Variants in RASEF observed in about 807,000 individuals in gnomAD.
The protein encoded by RASEF is ras and EF-hand domain-containing protein.
Under a neutral mutation model 90.1 loss-of-function variants are expected in RASEF, and 68 were observed. The ratio of observed to expected loss-of-function variants is 0.75; its 90% CI spans 0.62 to 0.92. RASEF has a LOEUF of 0.92. Ranked by LOEUF, RASEF falls within the 40% of genes least tolerant of loss-of-function variation. The pLI, the probability that RASEF is intolerant of heterozygous loss-of-function variation, is 0.00. For missense variants in RASEF, 949 were observed against 937.2 expected (o/e 1.01, Z -0.16); for synonymous variants, 331 against 345.2 (o/e 0.96, Z 0.46).
At chr9:83,116,652 T>C in the RASEF span, among the ~76,000 whole-genome samples, 2 of 152,214 alleles carry the variant, frequency 1.3e-5, no homozygotes, top group Non-Finnish European at 2.9e-5. Flanking sequence ...CAGCTCTCCC[T>C]GACCATCATG....
In RASEF at chr9:83,055,737, A is replaced by T. The variant is rs1830090844; in HGVS notation, c.431+6700T>A. The T allele has an allele frequency of 4.3e-6, 3 of 699,530 alleles. No individual in the cohort carries two copies. In the East Asian group the frequency reaches 8.1e-5, roughly 19 times the overall value. The allele number at this position is 699,530 out of a possible 1,614,324, so 43.3% of individuals were successfully genotyped here. A position where few individuals can be genotyped will look rare whatever the true frequency, so the allele number is the denominator to read the frequency against. On this transcript the variant is annotated intron_variant, in intron 1 of 16. Transcript: ENST00000376447. ...AATGCAGGTGATTTGGAATGAGCTCACATCAATTTATTTTACATTATTGCC... is the reference window on the plus strand; with the variant it reads ...AATGCAGGTGATTTGGAATGAGCTCTCATCAATTTATTTTACATTATTGCC...
chr9:83,199,429 T>A, the RASEF span, among the ~76,000 whole-genome samples: 3 of 152,126 alleles, frequency 2.0e-5, no homozygotes, highest in Non-Finnish European at 4.4e-5. Context: ...CCAGCCTGCA[T>A]GTTGAGACAG....
chr9:83,029,416 T>C (rs1236606678), intron 1 of RASEF, among the ~76,000 whole-genome samples: 1 of 148,710 alleles, frequency 6.7e-6, no homozygotes, highest in Non-Finnish European at 1.5e-5. Flanking sequence ...TTTTTGAAAC[T>C]GAGTCTCGCT....
chr9:83,179,307 A>C, the RASEF span, among the ~76,000 whole-genome samples: 1 of 152,166 alleles, frequency 6.6e-6, no homozygotes, highest in African/African-American at 2.4e-5. Context: ...CCCAGAGAAA[A>C]GTCATAGGAA....
At chr9:83,037,680 C>G (rs1002187709) in intron 1 of RASEF, among the ~76,000 whole-genome samples, 3 of 151,520 alleles carry the variant, frequency 2.0e-5, no homozygotes, top group Non-Finnish European at 4.4e-5. Context: ...GGCTTATCAC[C>G]ATTCAGATTT....
chr9:83,029,955 A>G (rs1829616045), intron 1 of RASEF, among the ~76,000 whole-genome samples: 1 of 152,212 alleles, frequency 6.6e-6, no homozygotes, highest in East Asian at 1.9e-4. Flanking sequence ...ATTGTCTGAC[A>G]TAATTTCAAT....
intron 1 of RASEF, among the ~76,000 whole-genome samples, chr9:83,038,920 T>C (rs1173074316): frequency 1.3e-5 from 2 of 152,238 alleles, no homozygotes; most frequent in African/African-American, 4.8e-5. Flanking sequence ...TGTCCTCAAG[T>C]ATTTTGTAGA....
chr9:83,197,604 A>G, the RASEF span, among the ~76,000 whole-genome samples: 5 of 152,218 alleles, frequency 3.3e-5, no homozygotes, highest in Admixed American at 3.3e-4. Context: ...TCAAGTTTTA[A>G]AAATTCCTCC....
intron 1 of RASEF, among the ~76,000 whole-genome samples, chr9:83,047,576 G>A (rs1829956344): frequency 6.6e-6 from 1 of 152,130 alleles, no homozygotes; most frequent in Non-Finnish European, 1.5e-5. Context: ...AGGTATCCTG[G>A]ACATCCCAAT....
the RASEF span, among the ~76,000 whole-genome samples, chr9:83,071,956 A>G: frequency 6.6e-5 from 10 of 152,310 alleles, no homozygotes; most frequent in African/African-American, 2.2e-4. Flanking sequence ...GGCACCTTCT[A>G]TTCATCACTA....
At chr9:83,182,854 A>T in the RASEF span, among the ~76,000 whole-genome samples, 1 of 151,916 alleles carries the variant, frequency 6.6e-6, no homozygotes, top group Non-Finnish European at 1.5e-5. Flanking sequence ...CATATCATGG[A>T]ATGTGCCATA....
At chr9:82,995,873 G>T (rs1828907708) in intron 14 of RASEF, among the ~76,000 whole-genome samples, 1 of 152,154 alleles carries the variant, frequency 6.6e-6, no homozygotes, top group African/African-American at 2.4e-5. Flanking sequence ...CTAAGCAAGA[G>T]CTACCTATGC....
intron 3 of RASEF, among the ~76,000 whole-genome samples, chr9:83,020,373 C>T (rs907272313): frequency 2.6e-5 from 4 of 152,168 alleles, no homozygotes; most frequent in East Asian, 1.9e-4. Flanking sequence ...CCTGGGGAGC[C>T]GAGGGGAGCC....
At chr9:83,006,703 A>C (rs1285833919) in intron 7 of RASEF, among the ~76,000 whole-genome samples, 1 of 152,134 alleles carries the variant, frequency 6.6e-6, no homozygotes, top group Non-Finnish European at 1.5e-5. Context: ...GAGGGAAAAA[A>C]ACCTAAGAAA....
chr9:83,122,071 A>G, the RASEF span, among the ~76,000 whole-genome samples: 3 of 152,164 alleles, frequency 2.0e-5, no homozygotes, highest in East Asian at 5.8e-4. Flanking sequence ...TTAAAAACTT[A>G]TTATCAATTA....
At chr9:83,102,031 A>G in the RASEF span, among the ~76,000 whole-genome samples, 1 of 152,084 alleles carries the variant, frequency 6.6e-6, no homozygotes, top group East Asian at 1.9e-4. Context: ...CAGTGAAATC[A>G]CAAACAAAAA....
At chr9:83,147,874 C>T in the RASEF span, among the ~76,000 whole-genome samples, 4 of 152,090 alleles carry the variant, frequency 2.6e-5, no homozygotes, top group Non-Finnish European at 4.4e-5. Context: ...TTGGTCATCC[C>T]GCTGCCGAAC....
At chr9:83,100,409 CT>C in the RASEF span, among the ~76,000 whole-genome samples, 1 of 152,202 alleles carries the variant, frequency 6.6e-6, no homozygotes, top group African/African-American at 2.4e-5. Context: ...CATCTTTTCA[CT>C]GGCTTTCAAC....
At chr9:83,045,561 G>A (rs1431215508) in intron 1 of RASEF, among the ~76,000 whole-genome samples, 3 of 152,128 alleles carry the variant, frequency 2.0e-5, no homozygotes, top group East Asian at 1.9e-4. Flanking sequence ...TAATCTCTTA[G>A]GAGAGAGGTG....
Sources: gnomAD v4.1 joint callset for allele counts (sites outside exome capture counted in the v4.1 genomes callset) on GRCh38, gnomAD v4.1.1 for gene constraint, MANE v1.5 for transcripts, NCBI Gene and HGNC (gene_info 2026-07-23, HGNC 2026-07-21) for gene names.